The following ABCA12 variants were observed in gnomAD, a reference collection of about 807,000 sequenced individuals.
ABCA12 encodes glucosylceramide transporter ABCA12.
Under a neutral mutation model 293.5 loss-of-function variants are expected in ABCA12, and 156 were observed. The observed-to-expected ratio is 0.53, with a 90% CI of 0.47 to 0.61. The LOEUF (loss-of-function observed/expected upper bound fraction) is 0.61. Among genes scored for constraint, ABCA12 ranks in the 20% least tolerant of loss-of-function variants. The pLI is 0.00. For missense variants in ABCA12, 2,797 were observed against 3,090.2 expected (o/e 0.91, Z 2.25); for synonymous variants, 1,063 against 1,108.0 (o/e 0.96, Z 0.81).
intron 3 of ABCA12, among the ~76,000 whole-genome samples, chr2:215,055,445 T>C (rs1340682208): frequency 6.6e-6 from 1 of 152,094 alleles, no homozygotes; most frequent in Admixed American, 6.6e-5. Flanking sequence ...TGGATGTATC[T>C]AAAAGCTCGT....
At chr2:215,048,521 C>T (rs1051776768) in intron 6 of ABCA12, among the ~76,000 whole-genome samples, 6 of 147,584 alleles carry the variant, frequency 4.1e-5, no homozygotes, top group Admixed American at 2.0e-4. Flanking sequence ...ATGGCAAAAC[C>T]CTATCTCTAC....
At chr2:214,937,203 T>C (rs1347626206) in intron 51 of ABCA12, among the ~76,000 whole-genome samples, 3 of 152,088 alleles carry the variant, frequency 2.0e-5, no homozygotes, top group Admixed American at 1.3e-4. Flanking sequence ...GTTTTTGTTT[T>C]TGTTTTTGTT....
rs1275724614 is a variant in ABCA12 at position 214,990,724 on chromosome 2, C to G, written c.3602G>C (p.Ser1201Thr). The change falls in exon 24 of 53, where the codon AGC (serine) becomes ACC (threonine). Residue 1201 changes from serine to threonine, a missense_variant. By Grantham distance (58) the Ser-to-Thr change is moderately conservative. Transcript: ENST00000272895. ...IVLVTVENEL[S>T]YVLKVFMSLL... The stretch of plus-strand genomic sequence containing the variant: ...TACCATGAACACTTTCAATACATAG[C>G]TCAACTCATTCTCCACTGTAACCAG... The G allele has an allele frequency of 2.5e-6, 4 of 1,614,022 alleles. No individual in the cohort carries two copies. The highest frequency in any genetic ancestry group is 2.2e-5 in the East Asian group (1 of 44,868).
At chr2:215,004,479 A>G (rs1205950848) in intron 19 of ABCA12, among the ~76,000 whole-genome samples, 180 bp from the exon 20 acceptor site, 3 of 152,194 alleles carry the variant, frequency 2.0e-5, no homozygotes, top group Non-Finnish European at 2.9e-5. Flanking sequence ...GTTGGTAATG[A>G]CTTGACAGGC....
At chr2:214,988,028 T>TA (rs1699825465) in intron 26 of ABCA12, among the ~76,000 whole-genome samples, 1 of 152,178 alleles carries the variant, frequency 6.6e-6, no homozygotes, top group Admixed American at 6.5e-5. Flanking sequence ...ACTGTACACT[T>TA]ATTGTAATGG....
chr2:215,106,532 C>T (rs992765139), intron 2 of ABCA12, among the ~76,000 whole-genome samples: 2 of 152,102 alleles, frequency 1.3e-5, no homozygotes, highest in African/African-American at 2.4e-5. Flanking sequence ...ACCATGTGAA[C>T]CTTGGTAAAT....
At chr2:215,017,445 C>T (rs1293146735) in intron 14 of ABCA12, among the ~76,000 whole-genome samples, 1 of 152,206 alleles carries the variant, frequency 6.6e-6, no homozygotes, top group Non-Finnish European at 1.5e-5. Context: ...TTGACCACAT[C>T]TATTGTATAT....
At chr2:214,988,277 C>T (rs1054250668) in intron 26 of ABCA12, among the ~76,000 whole-genome samples, 1 of 152,166 alleles carries the variant, frequency 6.6e-6, no homozygotes, top group African/African-American at 2.4e-5. Flanking sequence ...TCTCTCATAA[C>T]AATGCATGCT....
chr2:215,096,882 C>G (rs1260117805), intron 2 of ABCA12, among the ~76,000 whole-genome samples: 2 of 151,946 alleles, frequency 1.3e-5, no homozygotes, highest in African/African-American at 2.4e-5. Flanking sequence ...GTCTCTTGGT[C>G]TAATTTTATA....
At chr2:214,995,644 G>T (rs1269808664) in intron 23 of ABCA12, among the ~76,000 whole-genome samples, 1 of 152,148 alleles carries the variant, frequency 6.6e-6, no homozygotes, top group African/African-American at 2.4e-5. Flanking sequence ...GCGAGGCTGA[G>T]CAGGAGGCAC....
At chr2:214,945,277 T>C (rs997510791) in intron 48 of ABCA12, among the ~76,000 whole-genome samples, 173 bp from the exon 49 acceptor site, 2 of 152,182 alleles carry the variant, frequency 1.3e-5, no homozygotes, top group African/African-American at 4.8e-5. Flanking sequence ...AGTTCAAAAT[T>C]AATCATTTAA....
intron 51 of ABCA12, among the ~76,000 whole-genome samples, chr2:214,935,119 T>C (rs1698178674): frequency 6.6e-6 from 1 of 152,188 alleles, no homozygotes; most frequent in African/African-American, 2.4e-5. Flanking sequence ...GCTTTGTGCA[T>C]TGCTTAGCGT....
chr2:215,111,717 T>C (rs1310163690), intron 1 of ABCA12, 27 bp from the exon 2 acceptor site: 1 of 1,562,566 alleles, frequency 6.4e-7, no homozygotes, highest in African/African-American at 1.4e-5. Context: ...GAAAAAATTG[T>C]TAGTTTTATT....
intron 2 of ABCA12, among the ~76,000 whole-genome samples, chr2:215,097,285 T>A (rs1437171019): frequency 6.6e-6 from 1 of 152,126 alleles, no homozygotes; most frequent in Non-Finnish European, 1.5e-5. Context: ...GTCTTATTTA[T>A]GCTATTAAGC....
At chr2:214,994,347 T>C (rs916657765) in intron 23 of ABCA12, among the ~76,000 whole-genome samples, 4 of 152,130 alleles carry the variant, frequency 2.6e-5, no homozygotes, top group African/African-American at 7.2e-5. Context: ...AATTCATCAA[T>C]ATCTGATAAC....
intron 8 of ABCA12, 47 bp from the exon 9 acceptor site, chr2:215,031,943 A>C: frequency 6.2e-7 from 1 of 1,610,962 alleles, no homozygotes. Flanking sequence ...ATGTTTGCTT[A>C]AAGATTTTTT....
chr2:215,005,614 T>A (rs1323361884), intron 19 of ABCA12, among the ~76,000 whole-genome samples: 1 of 152,162 alleles, frequency 6.6e-6, no homozygotes, highest in Non-Finnish European at 1.5e-5. Flanking sequence ...AAAATCTGTA[T>A]CAGAGCATCA....
rs1559148332 is a variant in ABCA12, at chr2:215,016,605, A to AAAAAG, written c.1783-943_1783-942insCTTTT. On this transcript the variant is annotated intron_variant, in intron 14 of 52. Transcript: ENST00000272895. Reference sequence around the variant, plus strand: ...CTCAAAAAAAAAAAAAAAAAAAAAAAAAAAAAAAAGACTTTGCTCCCTTTA... The same window carrying AAAAAG: ...CTCAAAAAAAAAAAAAAAAAAAAAAAAAAAGAAAAAAAAAGACTTTGCTCCCTTTA... Among the ~76,000 whole-genome samples the AAAAAG allele has an allele frequency of 2.9e-4, 40 of 139,252 alleles. 1 individual carries two copies. Among genetic ancestry groups the AAAAAG allele is most frequent in the South Asian group, 5.0e-4 (2 of 4,032 alleles). 91.4% of individuals were successfully genotyped at this position (139,252 alleles called of 152,430 possible). A position where few individuals can be genotyped will look rare whatever the true frequency, so the allele number is the denominator to read the frequency against.
At chr2:215,048,798 A>G (rs1249418649) in intron 6 of ABCA12, among the ~76,000 whole-genome samples, 1 of 152,220 alleles carries the variant, frequency 6.6e-6, no homozygotes, top group Non-Finnish European at 1.5e-5. Context: ...TGTGGTACAT[A>G]TACACTGCGG....
Sources: allele counts gnomAD v4.1 joint callset (sites outside exome capture counted in the v4.1 genomes callset), GRCh38; gene constraint gnomAD v4.1.1; transcripts MANE v1.5; gene names NCBI Gene and HGNC (gene_info 2026-07-23, HGNC 2026-07-21).